PDE3B: variants seen among roughly 807,000 people sequenced by gnomAD.
PDE3B encodes cGMP-inhibited 3',5'-cyclic phosphodiesterase 3B.
In PDE3B, 66 loss-of-function variants were observed where a neutral mutation model predicts 116.8. The observed-to-expected ratio is 0.56, with a 90% confidence interval of 0.46 to 0.69. The LOEUF (loss-of-function observed/expected upper bound fraction) is 0.69, where lower values mean the gene tolerates loss of function less well. Among genes scored for constraint, PDE3B ranks in the 30% least tolerant of loss-of-function variants. The pLI, the probability that PDE3B is intolerant of heterozygous loss-of-function variation, is 0.00. For missense variants in PDE3B, 1,384 were observed against 1,368.1 expected, an observed-to-expected ratio of 1.01 and a Z score of -0.18; for synonymous variants, 595 against 533.6, an observed-to-expected ratio of 1.12 and a Z score of -1.59.
intron 1 of PDE3B, among the ~76,000 whole-genome samples, chr11:14,670,853 A>G (rs1317211774): frequency 4.6e-5 from 7 of 150,550 alleles, no homozygotes; most frequent in Non-Finnish European, 8.9e-5. Flanking sequence ...CATGTCATCT[A>G]TCTTTGTTTA....
At chr11:14,878,120 T>C in the PDE3B span, 1 of 1,612,866 alleles carries the variant, frequency 6.2e-7, no homozygotes, top group Non-Finnish European at 8.5e-7. Flanking sequence ...TCCCAGGCAG[T>C]TTCAGCGTCT....
At chr11:14,805,922 C>A (rs1332013336) in intron 5 of PDE3B, among the ~76,000 whole-genome samples, 1 of 152,144 alleles carries the variant, frequency 6.6e-6, no homozygotes, top group African/African-American at 2.4e-5. Context: ...CAGAGAAATG[C>A]AAATCAAAAC....
chr11:14,880,589 T>C, the PDE3B span: 5 of 1,613,170 alleles, frequency 3.1e-6, no homozygotes, highest in Non-Finnish European at 4.2e-6. Context: ...GCATTCGTTA[T>C]TAACTGTTTA....
chr11:14,717,662 G>T (rs1374324728), intron 1 of PDE3B, among the ~76,000 whole-genome samples: 2 of 124,300 alleles, frequency 1.6e-5, no homozygotes, highest in African/African-American at 3.1e-5. Context: ...TTCATATCCA[G>T]CCAAAGTAAG....
chr11:14,884,533 G>C, the PDE3B span, among the ~76,000 whole-genome samples: 8 of 122,420 alleles, frequency 6.5e-5, no homozygotes, highest in African/African-American at 1.2e-4. Context: ...GGACTGTTGT[G>C]GGGTGGGGGG....
chr11:14,780,196 A>T lies in PDE3B; in HGVS notation c.1030-6241A>T, dbSNP rs1408219143. Among the ~76,000 whole-genome samples, 4 of 152,256 alleles carry T rather than the reference A, an allele frequency of 2.6e-5. No homozygotes were observed. In the East Asian group the frequency reaches 7.7e-4, roughly 29 times the overall value. On this transcript the variant is annotated intron_variant, in intron 2 of 15. Coordinates refer to ENST00000282096, the MANE Select transcript of PDE3B (RefSeq NM_000922.4). Reference sequence around the variant, plus strand: ...CTTAGAGACCTACAAAGAGACTTAGACTCCCACACAATAATAATGGGAGAC... The same window carrying T: ...CTTAGAGACCTACAAAGAGACTTAGTCTCCCACACAATAATAATGGGAGAC...
intron 11 of PDE3B, among the ~76,000 whole-genome samples, chr11:14,839,196 G>A (rs1211129383): frequency 6.6e-6 from 1 of 152,184 alleles, no homozygotes; most frequent in East Asian, 1.9e-4. Flanking sequence ...TTTTCTGAAT[G>A]TATAGTTTGA....
chr11:14,736,179 G>T (rs1856593175), intron 1 of PDE3B, among the ~76,000 whole-genome samples: 2 of 152,194 alleles, frequency 1.3e-5, no homozygotes, highest in South Asian at 4.1e-4. Context: ...CTGAAGCCCA[G>T]TTGAGGGCGG....
At chr11:14,839,171 G>T (rs1303624630) in intron 11 of PDE3B, among the ~76,000 whole-genome samples, 1 of 152,186 alleles carries the variant, frequency 6.6e-6, no homozygotes, top group Non-Finnish European at 1.5e-5. Context: ...ATGGTAGTTA[G>T]CAGAACCACA....
intron 5 of PDE3B, among the ~76,000 whole-genome samples, chr11:14,806,922 A>G (rs1051525452): frequency 1.6e-4 from 24 of 152,104 alleles, no homozygotes; most frequent in Admixed American, 3.9e-4. Context: ...ATGGAATACT[A>G]TGCAGCCATA....
At chr11:14,656,511 T>C (rs997245726) in intron 1 of PDE3B, among the ~76,000 whole-genome samples, 3 of 152,210 alleles carry the variant, frequency 2.0e-5, no homozygotes, top group African/African-American at 7.2e-5. Flanking sequence ...TTTTCCTTAA[T>C]AGACAGTTAT....
At chr11:14,793,161 G>T (rs1027272159) in intron 4 of PDE3B, among the ~76,000 whole-genome samples, 1 of 152,100 alleles carries the variant, frequency 6.6e-6, no homozygotes, top group Non-Finnish European at 1.5e-5. Context: ...TTCCAGGAAA[G>T]GTTGTTTTCT....
chr11:14,672,657 G>T (rs1854407853), intron 1 of PDE3B, among the ~76,000 whole-genome samples: 2 of 152,068 alleles, frequency 1.3e-5, no homozygotes, highest in African/African-American at 4.8e-5. Context: ...CCTTTATGTT[G>T]CTCTGCCACC....
At chr11:14,680,889 C>T (rs773170423) in intron 1 of PDE3B, among the ~76,000 whole-genome samples, 10 of 151,378 alleles carry the variant, frequency 6.6e-5, no homozygotes, top group Non-Finnish European at 5.9e-5. Flanking sequence ...ATCAGTGTTT[C>T]GTAATTTTTA....
chr11:14,650,299 G>C (rs184904039), intron 1 of PDE3B, among the ~76,000 whole-genome samples: 1 of 151,800 alleles, frequency 6.6e-6, no homozygotes, highest in African/African-American at 2.4e-5. Context: ...TGCCTTGCAG[G>C]CTCAAGTAAT....
At chr11:14,697,581 G>T (rs1855246186) in intron 1 of PDE3B, among the ~76,000 whole-genome samples, 1 of 151,984 alleles carries the variant, frequency 6.6e-6, no homozygotes, top group Non-Finnish European at 1.5e-5. Flanking sequence ...GCATTTGTAT[G>T]TAATTTTTAG....
At chr11:14,893,927 G>C in the PDE3B span, among the ~76,000 whole-genome samples, 4 of 152,138 alleles carry the variant, frequency 2.6e-5, no homozygotes, top group Non-Finnish European at 5.9e-5. Flanking sequence ...GGCAGATATG[G>C]GGGAAAATAT....
intron 12 of PDE3B, among the ~76,000 whole-genome samples, chr11:14,854,725 C>T (rs556251635): frequency 2.0e-4 from 30 of 152,210 alleles, no homozygotes; most frequent in Middle Eastern, 6.8e-3. Flanking sequence ...CCATGTTGGC[C>T]AGGATGGTCT....
At chr11:14,799,309 A>G (rs1238847037) in intron 4 of PDE3B, among the ~76,000 whole-genome samples, 1 of 152,098 alleles carries the variant, frequency 6.6e-6, no homozygotes, top group East Asian at 1.9e-4. Context: ...GTTTGTTATG[A>G]TTTCTGTTCT....
Sources: allele counts gnomAD v4.1 joint callset (sites outside exome capture counted in the v4.1 genomes callset), GRCh38; gene constraint gnomAD v4.1.1; transcripts MANE v1.5; gene names NCBI Gene and HGNC (gene_info 2026-07-23, HGNC 2026-07-21).